The following PLSCR2 variants were observed in gnomAD, a reference collection of about 807,000 sequenced individuals.
PLSCR2 encodes PL scramblase 2.
PLSCR2 carries 18 observed loss-of-function variants against 25.3 expected under a neutral mutation model. The observed-to-expected ratio is 0.71, with a 90% CI of 0.49 to 1.06. The LOEUF is 1.06. Ranked by LOEUF, PLSCR2 falls within the 50% of genes least tolerant of loss-of-function variation. PLSCR2 has a pLI of 0.00. For missense variants in PLSCR2, 243 were observed against 269.5 expected (o/e 0.90, Z 0.69); for synonymous variants, 88 against 87.3 (o/e 1.01, Z -0.04).
At chr3:146,479,991 G>A (rs564578383) in intron 1 of PLSCR2, among the ~76,000 whole-genome samples, 2 of 152,252 alleles carry the variant, frequency 1.3e-5, no homozygotes, top group South Asian at 4.1e-4. Context: ...TGACTACTGG[G>A]TAAATAACAA....
chr3:146,430,314 A>G (rs967620872), downstream of PLSCR2, among the ~76,000 whole-genome samples: 4 of 152,186 alleles, frequency 2.6e-5, no homozygotes, highest in East Asian at 7.7e-4. Flanking sequence ...AAAATTGAGG[A>G]AAATTAAGGC....
chr3:146,420,816 A>G (rs1348599041), intron 2 of PLSCR2, among the ~76,000 whole-genome samples: 1 of 152,074 alleles, frequency 6.6e-6, no homozygotes, highest in Admixed American at 6.6e-5. Context: ...CAGCCCAATT[A>G]TAGGTTTGTT....
upstream of PLSCR2, among the ~76,000 whole-genome samples, chr3:146,463,292 T>C (rs1244325216): frequency 2.0e-5 from 3 of 152,102 alleles, no homozygotes; most frequent in African/African-American, 7.2e-5. Context: ...TTCTCCTGTC[T>C]CGGACTCCGG....
downstream of PLSCR2, among the ~76,000 whole-genome samples, chr3:146,429,596 A>T (rs2039471430): frequency 6.6e-6 from 1 of 152,080 alleles, no homozygotes; most frequent in South Asian, 2.1e-4. Context: ...CAGATGTGGG[A>T]GAAAAGAAAT....
intron 6 of PLSCR2, 119 bp from the exon 7 acceptor site, chr3:146,441,940 T>G: frequency 1.7e-6 from 1 of 605,808 alleles, no homozygotes; most frequent in Non-Finnish European, 2.9e-6. Flanking sequence ...AAAAATTAAC[T>G]ATAATAAGTA....
upstream of PLSCR2, among the ~76,000 whole-genome samples, chr3:146,462,589 C>G (rs1165431384): frequency 6.6e-6 from 1 of 151,650 alleles, no homozygotes; most frequent in African/African-American, 2.4e-5. Flanking sequence ...CCTCAGCCTC[C>G]CGAGTAGCTG....
At chr3:146,488,972 G>A (rs546100239) in intron 1 of PLSCR2, among the ~76,000 whole-genome samples, 2 of 152,264 alleles carry the variant, frequency 1.3e-5, no homozygotes, top group African/African-American at 4.8e-5. Context: ...ATACACCATG[G>A]AATACTACGC....
chr3:146,411,574 G>A (rs1011324857), intron 2 of PLSCR2, among the ~76,000 whole-genome samples: 2 of 152,192 alleles, frequency 1.3e-5, no homozygotes, highest in African/African-American at 4.8e-5. Context: ...GCTCTTGCCC[G>A]GTGGCATTAA....
At chr3:146,461,206 AT>A (rs1370549875), upstream of PLSCR2, among the ~76,000 whole-genome samples, 1 of 152,216 alleles carries the variant, frequency 6.6e-6, no homozygotes, top group East Asian at 1.9e-4. Flanking sequence ...ATGTTCCTCA[AT>A]ATTTTAAATA....
At chr3:146,391,914 A>G (rs2038094311) in intron 3 of PLSCR2, among the ~76,000 whole-genome samples, 2 of 152,168 alleles carry the variant, frequency 1.3e-5, no homozygotes, top group African/African-American at 4.8e-5. Context: ...TTTTCAATCA[A>G]TCCCAAAATC....
intron 1 of PLSCR2, among the ~76,000 whole-genome samples, chr3:146,472,168 A>C (rs963712452): frequency 1.3e-5 from 2 of 152,200 alleles, no homozygotes; most frequent in African/African-American, 4.8e-5. Context: ...TAAGACTTAC[A>C]TTATGACCTT....
chr3:146,449,618 TAA>T (rs2040778967), intron 5 of PLSCR2, among the ~76,000 whole-genome samples: 1 of 150,656 alleles, frequency 6.6e-6, no homozygotes, highest in Non-Finnish European at 1.5e-5. Flanking sequence ...TACTTTATAT[TAA>T]GATAGACATT....
chr3:146,420,025 T>C (rs1167532184), intron 2 of PLSCR2, among the ~76,000 whole-genome samples: 1 of 152,040 alleles, frequency 6.6e-6, no homozygotes, highest in African/African-American at 2.4e-5. Flanking sequence ...AAGACTTCTG[T>C]GATGCTGAGG....
At chr3:146,391,741 AG>A (rs1427772221) in intron 3 of PLSCR2, among the ~76,000 whole-genome samples, 1 of 152,164 alleles carries the variant, frequency 6.6e-6, no homozygotes. Context: ...CAAGGGTATA[AG>A]AATGACTGTT....
intron 8 of PLSCR2, 51 bp from the exon 8 acceptor site, chr3:146,433,568 AT>A (rs913106153): frequency 2.0e-5 from 3 of 152,090 alleles, no homozygotes; most frequent in Non-Finnish European, 4.4e-5. Context: ...AAAAGAGATA[AT>A]GTCAGTACCT....
At chr3:146,447,173 A>G (rs567723931) in intron 6 of PLSCR2, among the ~76,000 whole-genome samples, 30 of 152,200 alleles carry the variant, frequency 2.0e-4, no homozygotes, top group African/African-American at 7.2e-4. Flanking sequence ...AGCCCACTTG[A>G]TGTTCTCTCC....
downstream of PLSCR2, among the ~76,000 whole-genome samples, chr3:146,432,179 G>A (rs2039572426): frequency 6.6e-6 from 1 of 152,110 alleles, no homozygotes; most frequent in South Asian, 2.1e-4. Context: ...AACTTACCGT[G>A]TCCAATTTTA....
intron 4 of PLSCR2, 60 bp from the exon 5 acceptor site, chr3:146,454,223 A>G (rs1437660933): frequency 4.1e-6 from 5 of 1,205,110 alleles, no homozygotes; most frequent in Non-Finnish European, 5.7e-6. Flanking sequence ...ATCTAATAAT[A>G]GCTCTAATTT....
chr3:146,485,912 A>G (rs1280624251), intron 1 of PLSCR2, among the ~76,000 whole-genome samples: 1 of 152,034 alleles, frequency 6.6e-6, no homozygotes, highest in Admixed American at 6.6e-5. Flanking sequence ...CATTTTTAAA[A>G]CCATCAGATC....
Sources: allele counts gnomAD v4.1 joint callset (sites outside exome capture counted in the v4.1 genomes callset), GRCh38; gene constraint gnomAD v4.1.1; transcripts MANE v1.5; gene names NCBI Gene and HGNC (gene_info 2026-07-23, HGNC 2026-07-21).